Variants in SYTL5 observed in about 807,000 individuals in gnomAD.
SYTL5 encodes the protein synaptotagmin like 5.
A neutral mutation model predicts 55.9 loss-of-function variants in SYTL5; 34 were observed. That is an observed-to-expected ratio of 0.61 (90% CI 0.46 to 0.81). The LOEUF (loss-of-function observed/expected upper bound fraction) is 0.81, where lower values mean the gene tolerates loss of function less well. Ranked by LOEUF, SYTL5 falls within the 30% of genes least tolerant of loss-of-function variation. The pLI is 0.00. For missense variants in SYTL5, 637 were observed against 546.7 expected, an observed-to-expected ratio of 1.17 and a Z score of -1.65; for synonymous variants, 221 against 188.7, an observed-to-expected ratio of 1.17 and a Z score of -1.40.
At chrX:37,942,172 T>C in the SYTL5 span, among the ~76,000 whole-genome samples, 1 of 112,475 alleles carries the variant, frequency 8.9e-6, no homozygotes, top group Non-Finnish European at 1.9e-5. Flanking sequence ...ATTTTTCCTG[T>C]ATGTCAACAT....
At chrX:38,118,728 C>A (rs776364305) in intron 13 of SYTL5, among the ~76,000 whole-genome samples, 57 of 110,652 alleles carry the variant, frequency 5.2e-4, no homozygotes, top group African/African-American at 1.8e-3. Context: ...TAACCTATAG[C>A]AAAGATGTAC....
chrX:37,920,532 G>A, the SYTL5 span, among the ~76,000 whole-genome samples: 9 of 110,890 alleles, frequency 8.1e-5, no homozygotes, highest in Non-Finnish European at 1.7e-4. Flanking sequence ...ATGCCTAGAG[G>A]ACCTCCCTGG....
chrX:38,122,427 TCA>T (rs1343273767), intron 15 of SYTL5, among the ~76,000 whole-genome samples: 1 of 112,206 alleles, frequency 8.9e-6, no homozygotes, highest in East Asian at 2.8e-4. Flanking sequence ...CCAACATATT[TCA>T]GGAATTCCCA....
At chrX:37,895,836 T>G in the SYTL5 span, among the ~76,000 whole-genome samples, 1 of 111,899 alleles carries the variant, frequency 8.9e-6, no homozygotes, top group African/African-American at 3.2e-5. Context: ...GAAAATAGAC[T>G]GATTCAGCTT....
the SYTL5 span, among the ~76,000 whole-genome samples, chrX:37,992,236 T>C: frequency 8.9e-6 from 1 of 112,900 alleles, no homozygotes; most frequent in African/African-American, 3.2e-5. Flanking sequence ...AACTTCCTGC[T>C]CTGTGCTAAG....
the SYTL5 span, among the ~76,000 whole-genome samples, chrX:37,957,226 T>C: frequency 8.9e-6 from 1 of 111,874 alleles, no homozygotes; most frequent in Non-Finnish European, 1.9e-5. Flanking sequence ...TTTCTCATTC[T>C]GTAGGTTGCC....
rs1470556312 is a variant in SYTL5, at chrX:38,027,289, A to C, written c.-356-6245A>C. On this transcript the variant is annotated intron_variant, in intron 1 of 16. Coordinates refer to ENST00000297875, the MANE Select transcript of SYTL5 (RefSeq NM_138780.3). Reference sequence around the variant, plus strand: ...AAGCAAAATTATCCCAAGTAAACTAAATTAGAAGGCTTTCCATGAACTGGG... The same window carrying C: ...AAGCAAAATTATCCCAAGTAAACTACATTAGAAGGCTTTCCATGAACTGGG... 2.7e-5 allele frequency among the ~76,000 whole-genome samples: 3 copies of C among 112,405 alleles called. No individual in the cohort carries two copies. The East Asian group carries it at 8.3e-4, about 31-fold the overall frequency.
At chrX:37,898,372 A>G in the SYTL5 span, among the ~76,000 whole-genome samples, 3 of 111,950 alleles carry the variant, frequency 2.7e-5, no homozygotes, top group Admixed American at 2.8e-4. Flanking sequence ...AGGGGGCCAT[A>G]GAATTCATAC....
chrX:37,890,788 G>A, the SYTL5 span, among the ~76,000 whole-genome samples: 1 of 112,189 alleles, frequency 8.9e-6, no homozygotes, highest in Non-Finnish European at 1.9e-5. Context: ...ATAAGCACAC[G>A]AAAAGATGCT....
chrX:37,935,967 T>C, the SYTL5 span, among the ~76,000 whole-genome samples: 1 of 112,171 alleles, frequency 8.9e-6, no homozygotes, highest in Admixed American at 9.5e-5. Flanking sequence ...AACTGTATCC[T>C]GGCCACAAGA....
the SYTL5 span, among the ~76,000 whole-genome samples, chrX:37,904,825 A>G: frequency 9.0e-6 from 1 of 111,148 alleles, no homozygotes; most frequent in Non-Finnish European, 1.9e-5. Flanking sequence ...GCTGTCCTCA[A>G]GTTGAGAAAA....
chrX:38,098,927 C>T (rs754549446), intron 9 of SYTL5, among the ~76,000 whole-genome samples: 29 of 110,615 alleles, frequency 2.6e-4, no homozygotes, highest in Non-Finnish European at 1.5e-4. Flanking sequence ...CATATAATTA[C>T]ATTTATATGA....
chrX:38,009,342 T>G (rs1349939615), intron 1 of SYTL5, among the ~76,000 whole-genome samples: 1 of 112,349 alleles, frequency 8.9e-6, no homozygotes, highest in Non-Finnish European at 1.9e-5. Flanking sequence ...TTTTCCCACT[T>G]GTATGTCCAA....
intron 1 of SYTL5, among the ~76,000 whole-genome samples, chrX:38,017,697 C>T (rs1284607093): frequency 9.3e-6 from 1 of 107,528 alleles, no homozygotes; most frequent in Non-Finnish European, 1.9e-5. Flanking sequence ...ATCTCCAGAC[C>T]AACTCAAAAT....
At chrX:37,941,247 C>G in the SYTL5 span, among the ~76,000 whole-genome samples, 1 of 111,626 alleles carries the variant, frequency 9.0e-6, no homozygotes, top group East Asian at 2.8e-4. Context: ...ATCTGGGACC[C>G]GCTCCCCACC....
chrX:37,981,869 A>G, the SYTL5 span, among the ~76,000 whole-genome samples: 4 of 111,623 alleles, frequency 3.6e-5, no homozygotes, highest in South Asian at 7.6e-4. Flanking sequence ...AGAGAGGGAG[A>G]GTGGGTTGAA....
At chrX:37,953,265 G>A in the SYTL5 span, among the ~76,000 whole-genome samples, 1 of 111,686 alleles carries the variant, frequency 9.0e-6, no homozygotes, top group Non-Finnish European at 1.9e-5. Flanking sequence ...AAGTTTGAAA[G>A]CATGAGTCTG....
At chrX:38,118,940 TGTACGC>T (rs1478783470) in intron 13 of SYTL5, among the ~76,000 whole-genome samples, 19 of 84,111 alleles carry the variant, frequency 2.3e-4, no homozygotes, top group African/African-American at 9.6e-4. Flanking sequence ...TATATATATA[TGTACGC>T]ATATACATAT....
At chrX:38,081,817 A>G (rs1189694288) in intron 6 of SYTL5, among the ~76,000 whole-genome samples, 1 of 111,690 alleles carries the variant, frequency 9.0e-6, no homozygotes, top group Admixed American at 9.5e-5. Flanking sequence ...GGCTGCTTCT[A>G]GGGCACTAAC....
Sources: allele counts gnomAD v4.1 joint callset (sites outside exome capture counted in the v4.1 genomes callset), GRCh38; gene constraint gnomAD v4.1.1; transcripts MANE v1.5; gene names NCBI Gene and HGNC (gene_info 2026-07-23, HGNC 2026-07-21).